FLT1: variants seen among roughly 807,000 people sequenced by gnomAD.
FLT1 encodes fms related receptor tyrosine kinase 1.
Under a neutral mutation model 156.3 loss-of-function variants are expected in FLT1, and 49 were observed. The ratio of observed to expected loss-of-function variants is 0.31; its 90% confidence interval spans 0.25 to 0.40. The LOEUF (loss-of-function observed/expected upper bound fraction) is 0.40. Among genes scored for constraint, FLT1 ranks in the 10% least tolerant of loss-of-function variants. The pLI is 1.00. For missense variants in FLT1, 1,322 were observed against 1,637.2 expected (o/e 0.81, Z 3.32); for synonymous variants, 594 against 583.8 (o/e 1.02, Z -0.25).
chr13:28,387,994 C>T (rs1319136485), intron 13 of FLT1: 1 of 1,059,698 alleles, frequency 9.4e-7, no homozygotes, highest in Non-Finnish European at 1.1e-6. Context: ...TCCAATTCAC[C>T]ATTTTGTTTT....
rs1241023899 is a variant in FLT1, at chr13:28,387,508, C to T, written c.1969+2288G>A. The T allele has an allele frequency of 5.7e-6, 6 of 1,061,194 alleles. No homozygotes were observed. The East Asian group carries it at 2.0e-4, about 36-fold the overall frequency. 65.7% of individuals were successfully genotyped at this position (1,061,194 alleles called of 1,614,324 possible). On this transcript the variant is annotated intron_variant, in intron 13 of 29. Transcript: ENST00000282397. ...AATTGAGAAAATCAGAATTAACAGA[C>T]ATTTCTGCTGGTTATCAGTAGCCAA... is the stretch of plus-strand genomic sequence containing the variant.
intron 3 of FLT1, among the ~76,000 whole-genome samples, chr13:28,460,251 C>T (rs899902972): frequency 6.6e-6 from 1 of 152,216 alleles, no homozygotes; most frequent in South Asian, 2.1e-4. Context: ...GGGCTATTAA[C>T]AGAGCCCTCT....
intron 11 of FLT1, 23 bp downstream of exon 11, chr13:28,405,757 G>T (rs1045521668): frequency 1.7e-6 from 2 of 1,196,276 alleles, no homozygotes; most frequent in Non-Finnish European, 2.5e-6. Flanking sequence ...AAATATCCCA[G>T]TGCGCATTTT....
At chr13:28,450,075 G>A (rs1405389488) in intron 3 of FLT1, among the ~76,000 whole-genome samples, 1 of 152,184 alleles carries the variant, frequency 6.6e-6, no homozygotes, top group East Asian at 1.9e-4. Context: ...TTATGGAGAA[G>A]ATATAAGATT....
rs1262616956 is a variant in FLT1, at chr13:28,345,469, G to T, written c.2331C>A (p.Thr777=). ...VAATLFWLLL[T]LFIRKMKRSS... is the part of the protein sequence containing the mutation. Reference sequence around the variant, plus strand: ...CCCTTTTCATTTTTCGGATAAAGAGGGTTAATAGGAGCCAGAAGAGAGTCG... The same window carrying T: ...CCCTTTTCATTTTTCGGATAAAGAGTGTTAATAGGAGCCAGAAGAGAGTCG... The change falls in exon 16 of 30, where the codon ACC becomes ACA. Residue 777 remains threonine, a synonymous_variant. Transcript: ENST00000282397. 6.2e-7 allele frequency: 1 copy of T among 1,610,414 alleles called. No individual in the cohort carries two copies. Among genetic ancestry groups the T allele is most frequent in the Non-Finnish European group, 8.5e-7 (1 of 1,177,048 alleles).
In FLT1 at chr13:28,392,513, C is replaced by T. The variant is rs184783518; in HGVS notation, c.1661-2409G>A. ...GACTTTCCATTTATGAGCTCTCATC[C>T]TGGTAGTTAGAACCCAAGTGAGCCC... On this transcript the variant is annotated intron_variant, in intron 12 of 29. Coordinates refer to ENST00000282397, the MANE Select transcript of FLT1 (RefSeq NM_002019.4). 7.9e-5 allele frequency among the ~76,000 whole-genome samples: 12 copies of T among 152,282 alleles called. No homozygotes were observed. In the East Asian group the frequency reaches 2.3e-3, roughly 29 times the overall value.
At chr13:28,372,072 ATATATTTTT>A (rs1285333833) in intron 14 of FLT1, among the ~76,000 whole-genome samples, 2 of 15,518 alleles carry the variant, frequency 1.3e-4, no homozygotes, top group African/African-American at 3.3e-4. Flanking sequence ...ATATATATAT[ATATATTTTT>A]TTTTTTTTTT....
chr13:28,325,558 T>C (rs563399056), intron 20 of FLT1, among the ~76,000 whole-genome samples: 32 of 152,158 alleles, frequency 2.1e-4, no homozygotes, highest in African/African-American at 7.7e-4. Context: ...CTCACACCTG[T>C]AATCCCAGCA....
At chr13:28,441,409 C>T (rs1040506029) in intron 3 of FLT1, among the ~76,000 whole-genome samples, 14 of 152,156 alleles carry the variant, frequency 9.2e-5, no homozygotes, top group Admixed American at 6.5e-5. Context: ...AATAAACTCT[C>T]GCTCCTGCTC....
intron 17 of FLT1, among the ~76,000 whole-genome samples, chr13:28,338,000 A>G (rs568896108): frequency 1.0e-3 from 154 of 152,232 alleles, no homozygotes; most frequent in Non-Finnish European, 2.0e-3. Context: ...CCTGCCCTTA[A>G]CTACTCTAAA....
chr13:28,411,319 G>A (rs1028630082), intron 10 of FLT1, among the ~76,000 whole-genome samples: 53 of 151,684 alleles, frequency 3.5e-4, no homozygotes, highest in East Asian at 1.9e-4. Context: ...TTGGGAGGCC[G>A]AGGCAGGTGG....
intron 3 of FLT1, among the ~76,000 whole-genome samples, chr13:28,453,851 C>T (rs1879117872): frequency 6.6e-6 from 1 of 152,126 alleles, no homozygotes; most frequent in African/African-American, 2.4e-5. Flanking sequence ...GGTCCTGGGG[C>T]TATCATGGTA....
intron 11 of FLT1, among the ~76,000 whole-genome samples, chr13:28,398,019 A>AAAT (rs1875170020): frequency 6.6e-6 from 1 of 152,202 alleles, no homozygotes; most frequent in Non-Finnish European, 1.5e-5. Flanking sequence ...GACAACTTAA[A>AAAT]GACTTGCATT....
At chr13:28,368,702 G>A (rs559922743) in intron 14 of FLT1, 2 of 660,244 alleles carry the variant, frequency 3.0e-6, no homozygotes, top group African/African-American at 2.1e-5. Context: ...TAGATTGGCA[G>A]CTTTTTTTTT....
chr13:28,319,698 G>A (rs1051139656), intron 23 of FLT1, among the ~76,000 whole-genome samples, 164 bp from the exon 24 acceptor site: 15 of 152,146 alleles, frequency 9.9e-5, no homozygotes, highest in Admixed American at 7.2e-4. Flanking sequence ...GCAGTGTTAC[G>A]CTAAAAGAGG....
At chr13:28,365,012 CATATT>C (rs2137419890) in intron 14 of FLT1, among the ~76,000 whole-genome samples, 2 of 152,136 alleles carry the variant, frequency 1.3e-5, no homozygotes, top group South Asian at 4.1e-4. Flanking sequence ...CCACTGAGTT[CATATT>C]ATATTATAAT....
intron 28 of FLT1, among the ~76,000 whole-genome samples, chr13:28,307,035 C>T (rs938188320): frequency 1.8e-4 from 27 of 152,178 alleles, no homozygotes; most frequent in African/African-American, 5.6e-4. Context: ...TGGCAAGTAA[C>T]AGGTTAGCAT....
intron 3 of FLT1, among the ~76,000 whole-genome samples, chr13:28,454,566 T>C (rs117684900): frequency 3.0e-4 from 46 of 152,294 alleles, no homozygotes; most frequent in Admixed American, 1.1e-3. Flanking sequence ...ACTGTGATAA[T>C]ACTTTCAGAC....
At chr13:28,466,261 C>T (rs1033236248) in intron 3 of FLT1, among the ~76,000 whole-genome samples, 1 of 152,128 alleles carries the variant, frequency 6.6e-6, no homozygotes, top group African/African-American at 2.4e-5. Context: ...GAAGGAAGAA[C>T]AGTATCATAA....
Sources: allele counts gnomAD v4.1 joint callset (sites outside exome capture counted in the v4.1 genomes callset), GRCh38; gene constraint gnomAD v4.1.1; transcripts MANE v1.5; gene names NCBI Gene and HGNC (gene_info 2026-07-23, HGNC 2026-07-21).